The following DNAJC13 variants were observed in gnomAD, a reference collection of about 807,000 sequenced individuals.
DNAJC13 encodes dnaJ homolog subfamily C member 13.
DNAJC13 carries 75 observed loss-of-function variants against 290.5 expected under a neutral mutation model. That is an observed-to-expected ratio of 0.26 (90% CI 0.21 to 0.31). The LOEUF (loss-of-function observed/expected upper bound fraction) is 0.31, where lower values mean the gene tolerates loss of function less well. DNAJC13 is among the 10% of genes least tolerant of loss of function. DNAJC13 has a pLI of 1.00. For synonymous variants in DNAJC13, 862 were observed against 892.0 expected (o/e 0.97, Z 0.60); for missense variants, 2,260 against 2,674.5 (o/e 0.85, Z 3.42).
intron 42 of DNAJC13, among the ~76,000 whole-genome samples, chr3:132,506,687 G>A (rs2107726503): frequency 6.6e-6 from 1 of 151,514 alleles, no homozygotes; most frequent in East Asian, 2.0e-4. Context: ...AAGTAGCTGG[G>A]ACTACAGGCA....
intron 45 of DNAJC13, 38 bp downstream of exon 45, chr3:132,513,137 A>G (rs776700222): frequency 3.9e-5 from 58 of 1,498,772 alleles, no homozygotes; most frequent in Non-Finnish European, 4.9e-5. Flanking sequence ...TGCCTTTCCT[A>G]CCACTTACCA....
At chr3:132,486,400 T>C (rs1467307503) in intron 29 of DNAJC13, among the ~76,000 whole-genome samples, 2 of 151,990 alleles carry the variant, frequency 1.3e-5, no homozygotes, top group Admixed American at 6.6e-5. Context: ...AAAAAGTAAA[T>C]ACAAATGGCA....
chr3:132,536,602 G>T (rs1936600338), intron 55 of DNAJC13, among the ~76,000 whole-genome samples: 2 of 152,196 alleles, frequency 1.3e-5, no homozygotes, highest in South Asian at 4.1e-4. Flanking sequence ...AGTGTTTGAG[G>T]TCTTACTGTT....
At position 132,499,173 on chromosome 3, in the gene DNAJC13, A is replaced by G. The variant is rs772378977; in HGVS notation, c.4204A>G (p.Ile1402Val). ...AGGATACCCCATGCTTATTCGGACTATAACAATGGAAACTTCAGATGACCT... is the reference window on the plus strand; with the variant it reads ...AGGATACCCCATGCTTATTCGGACTGTAACAATGGAAACTTCAGATGACCT... ...YAGYPMLIRT[I>V]TMETSDDLLF... is the part of the protein sequence containing the mutation. The change falls in exon 37 of 56, where the codon ATA becomes GTA. Residue 1402 changes from isoleucine (I) to valine (V), a missense_variant. Physicochemically the swap from Ile to Val is conservative, Grantham distance 29. Transcript: ENST00000260818. The G allele has an allele frequency of 2.0e-5, 33 of 1,613,950 alleles. No individual in the cohort carries two copies. In the South Asian group the frequency reaches 3.3e-4, roughly 16 times the overall value.
chr3:132,430,734 C>T (rs1939218813), intron 1 of DNAJC13, among the ~76,000 whole-genome samples: 1 of 152,106 alleles, frequency 6.6e-6, no homozygotes, highest in South Asian at 2.1e-4. Context: ...CTCTCTCTCC[C>T]TTTTTTGGTG....
At chr3:132,423,449 C>A (rs1375520189) in intron 1 of DNAJC13, among the ~76,000 whole-genome samples, 4 of 152,166 alleles carry the variant, frequency 2.6e-5, no homozygotes, top group African/African-American at 9.7e-5. Context: ...ATTCCTTAGT[C>A]ATCTAAGGCT....
At chr3:132,456,213 T>C (rs1933593619) in intron 9 of DNAJC13, 22 bp from the exon 10 acceptor site, 1 of 1,605,980 alleles carries the variant, frequency 6.2e-7, no homozygotes, top group Non-Finnish European at 8.5e-7. Context: ...TAAAACCTTT[T>C]TTTACTTTTA....
chr3:132,470,782 C>T (rs1315937134), intron 20 of DNAJC13, among the ~76,000 whole-genome samples: 2 of 124,102 alleles, frequency 1.6e-5, no homozygotes, highest in African/African-American at 3.2e-5. Context: ...GGCGGCTGGC[C>T]GGGCGGAGGG....
chr3:132,467,426 C>A, intron 20 of DNAJC13, 113 bp downstream of exon 20: 1 of 994,560 alleles, frequency 1.0e-6, no homozygotes, highest in Non-Finnish European at 1.5e-6. Context: ...ATACCTGAAG[C>A]TTAAAAATGA....
chr3:132,522,799 C>CT (rs762601135), intron 48 of DNAJC13, 29 bp from the exon 49 acceptor site: 2 of 1,565,298 alleles, frequency 1.3e-6, no homozygotes, highest in South Asian at 2.4e-5. Flanking sequence ...CAATAGGTGT[C>CT]TTTTTCATTC....
intron 45 of DNAJC13, 101 bp from the exon 46 acceptor site, chr3:132,514,470 C>A: frequency 1.5e-6 from 1 of 686,536 alleles, no homozygotes; most frequent in South Asian, 2.2e-5. Context: ...AATGTTTCAT[C>A]CCCCAAACAT....
intron 43 of DNAJC13, among the ~76,000 whole-genome samples, chr3:132,508,126 G>C (rs913363222): frequency 3.9e-5 from 6 of 152,196 alleles, no homozygotes; most frequent in African/African-American, 1.4e-4. Flanking sequence ...ATAAGACAAA[G>C]GCTAATTGAG....
At chr3:132,512,878 T>C in intron 44 of DNAJC13, 130 bp from the exon 45 acceptor site, 1 of 732,188 alleles carries the variant, frequency 1.4e-6, no homozygotes, top group Non-Finnish European at 2.3e-6. Context: ...ACTTACTTCA[T>C]GTCACAGATG....
chr3:132,526,341 T>G, intron 53 of DNAJC13, 60 bp downstream of exon 53: 1 of 1,600,434 alleles, frequency 6.2e-7, no homozygotes, highest in South Asian at 1.1e-5. Flanking sequence ...AGTAGATTTT[T>G]ACCTATTTGG....
At chr3:132,470,624 C>G in intron 20 of DNAJC13, among the ~76,000 whole-genome samples, 1 of 145,148 alleles carries the variant, frequency 6.9e-6, no homozygotes, top group Non-Finnish European at 1.5e-5. Context: ...GGGCTGACCC[C>G]CCCACCTCCC....
chr3:132,427,301 A>G (rs994894812), intron 1 of DNAJC13, among the ~76,000 whole-genome samples: 1 of 151,696 alleles, frequency 6.6e-6, no homozygotes, highest in East Asian at 1.9e-4. Flanking sequence ...ACACCCAGCT[A>G]ATTTTTTGTA....
intron 39 of DNAJC13, among the ~76,000 whole-genome samples, chr3:132,501,165 G>A (rs887068405): frequency 1.3e-5 from 2 of 152,140 alleles, no homozygotes; most frequent in East Asian, 3.9e-4. Flanking sequence ...TAGAATGAGT[G>A]GCAGGGAGAA....
At chr3:132,501,359 G>C (rs762243738) in intron 39 of DNAJC13, among the ~76,000 whole-genome samples, 1 of 152,148 alleles carries the variant, frequency 6.6e-6, no homozygotes, top group African/African-American at 2.4e-5. Flanking sequence ...AATTAGCTGG[G>C]TATGATGGCA....
chr3:132,520,442 G>A (rs1160967992), intron 48 of DNAJC13, among the ~76,000 whole-genome samples: 9 of 152,188 alleles, frequency 5.9e-5, no homozygotes, highest in Non-Finnish European at 1.3e-4. Flanking sequence ...ACACCAGTGA[G>A]TAATAAACTT....
Sources: allele counts gnomAD v4.1 joint callset (sites outside exome capture counted in the v4.1 genomes callset), GRCh38; gene constraint gnomAD v4.1.1; transcripts MANE v1.5; gene names NCBI Gene and HGNC (gene_info 2026-07-23, HGNC 2026-07-21).